Variants in PDE10A observed in about 807,000 individuals in gnomAD.
PDE10A encodes phosphodiesterase 10A, also known as cAMP and cAMP-inhibited cGMP 3',5'-cyclic phosphodiesterase 10A.
Under a neutral mutation model 97.7 loss-of-function variants are expected in PDE10A, and 39 were observed. That is an observed-to-expected ratio of 0.40 (90% CI 0.31 to 0.52). PDE10A has a LOEUF of 0.52. PDE10A is among the 20% of genes least tolerant of loss of function. The pLI is 0.56. For missense variants in PDE10A, 731 were observed against 1,047.8 expected, an observed-to-expected ratio of 0.70 and a Z score of 4.17; for synonymous variants, 371 against 376.8, an observed-to-expected ratio of 0.98 and a Z score of 0.18.
intron 10 of PDE10A, among the ~76,000 whole-genome samples, chr6:165,427,482 C>T (rs950783094): frequency 1.8e-4 from 27 of 151,692 alleles, no homozygotes; most frequent in Admixed American, 1.7e-3. Context: ...GAAATAGGGG[C>T]GTAAGGAAGT....
chr6:165,540,007 A>G (rs982728209), intron 2 of PDE10A, among the ~76,000 whole-genome samples: 1 of 152,230 alleles, frequency 6.6e-6, no homozygotes, highest in Non-Finnish European at 1.5e-5. Flanking sequence ...GCATAAAAAT[A>G]GCTCTGTGTC....
rs200148946 is a variant in PDE10A, at chr6:165,956,982, G to A, written c.-615+30547C>T. ...TGATGGATAAGTCATAATCAGCACA[G>A]GAGGTGGGCTAGGAACACACCACAC... On this transcript the variant is annotated intron_variant, in intron 1 of 19. Transcript: ENST00000366882. 3.9e-5 allele frequency among the ~76,000 whole-genome samples: 6 copies of A among 152,324 alleles called. No homozygotes were observed. The East Asian group carries it at 1.2e-3, about 29-fold the overall frequency.
intron 1 of PDE10A, among the ~76,000 whole-genome samples, chr6:165,634,191 C>T (rs1788767906): frequency 6.6e-6 from 1 of 152,042 alleles, no homozygotes; most frequent in South Asian, 2.1e-4. Flanking sequence ...TCAATGCCTC[C>T]GATCAGCGGA....
At chr6:165,827,992 T>C (rs7765646) in intron 1 of PDE10A, among the ~76,000 whole-genome samples, 2,215 of 152,330 alleles carry the variant, frequency 0.015, 49 homozygotes, top group African/African-American at 0.049. Context: ...CATTAACTGC[T>C]GGCCCCACAG....
chr6:165,405,717 A>AT (rs1278202748), intron 13 of PDE10A, among the ~76,000 whole-genome samples: 2 of 152,196 alleles, frequency 1.3e-5, no homozygotes, highest in African/African-American at 4.8e-5. Flanking sequence ...TGTCTGCTTG[A>AT]TTTTAAGTTT....
At chr6:165,443,492 T>A (rs1485962478) in intron 5 of PDE10A, among the ~76,000 whole-genome samples, 1 of 152,166 alleles carries the variant, frequency 6.6e-6, no homozygotes, top group African/African-American at 2.4e-5. Flanking sequence ...CAATGCCTGC[T>A]ACTAATCCAG....
chr6:165,832,084 T>C (rs982862499), intron 1 of PDE10A, among the ~76,000 whole-genome samples: 3 of 152,332 alleles, frequency 2.0e-5, no homozygotes, highest in Non-Finnish European at 4.4e-5. Flanking sequence ...AGTGAATGTA[T>C]TTTTCAGTAT....
chr6:165,536,681 C>T (rs987801881), intron 2 of PDE10A, among the ~76,000 whole-genome samples: 1 of 151,110 alleles, frequency 6.6e-6, no homozygotes, highest in Non-Finnish European at 1.5e-5. Flanking sequence ...CATACAAATA[C>T]CCAACAGGTA....
intron 1 of PDE10A, among the ~76,000 whole-genome samples, chr6:165,957,834 T>A (rs1413735380): frequency 6.6e-6 from 1 of 152,210 alleles, no homozygotes; most frequent in Non-Finnish European, 1.5e-5. Flanking sequence ...ATAGAGTTGT[T>A]CTATCTCAAT....
At chr6:165,943,269 A>AGGAG (rs1783627354) in intron 1 of PDE10A, among the ~76,000 whole-genome samples, 1 of 118,192 alleles carries the variant, frequency 8.5e-6, no homozygotes, top group Non-Finnish European at 1.8e-5. Flanking sequence ...GAAGGAAGGA[A>AGGAG]GGAAGGAAAG....
At chr6:165,546,115 T>C (rs978392596) in intron 1 of PDE10A, among the ~76,000 whole-genome samples, 10 of 151,974 alleles carry the variant, frequency 6.6e-5, no homozygotes, top group African/African-American at 2.4e-4. Flanking sequence ...TGAAGTAACA[T>C]GGATGAGTCT....
Position 165,395,163 on chromosome 6 carries a change from T to TA in PDE10A, c.2303+17_2303+18insT. The TA allele has an allele frequency of 6.4e-7, 1 of 1,561,122 alleles. No individual in the cohort carries two copies. Among genetic ancestry groups the TA allele is most frequent in the African/African-American group, 1.4e-5 (1 of 73,908 alleles). On this transcript the variant is annotated intron_variant, in intron 15 of 21. Coordinates refer to ENST00000539869, the MANE Select transcript of PDE10A (RefSeq NM_001385079.1). Reference sequence around the variant, plus strand: ...GTCACCCAATATTTCAAAAAGTAAATTTTAAAGTCATTCATACCAGGATGT... The same window carrying TA: ...GTCACCCAATATTTCAAAAAGTAAATATTTAAAGTCATTCATACCAGGATGT...
intron 2 of PDE10A, among the ~76,000 whole-genome samples, chr6:165,514,529 G>A (rs1267696435): frequency 6.6e-6 from 1 of 152,164 alleles, no homozygotes; most frequent in African/African-American, 2.4e-5. Context: ...TGAAGAGATG[G>A]GGACCTTCTC....
intron 10 of PDE10A, among the ~76,000 whole-genome samples, chr6:165,419,791 T>A (rs1444436392): frequency 6.6e-6 from 1 of 152,182 alleles, no homozygotes; most frequent in Non-Finnish European, 1.5e-5. Flanking sequence ...AAAGAATTCA[T>A]CCTTACAGTA....
chr6:165,792,089 A>G (rs1778671341), intron 1 of PDE10A, among the ~76,000 whole-genome samples: 1 of 151,972 alleles, frequency 6.6e-6, no homozygotes, highest in African/African-American at 2.4e-5. Context: ...GTGGTTCTTC[A>G]GTGTCTGGAA....
chr6:165,542,749 G>T (rs1783525638), intron 2 of PDE10A, among the ~76,000 whole-genome samples: 2 of 150,724 alleles, frequency 1.3e-5, no homozygotes, highest in South Asian at 2.1e-4. Context: ...CTCCTGAGTA[G>T]CTGGGACTAC....
chr6:165,843,844 C>T (rs1780329962), intron 1 of PDE10A, among the ~76,000 whole-genome samples: 1 of 152,222 alleles, frequency 6.6e-6, no homozygotes, highest in Non-Finnish European at 1.5e-5. Context: ...ATCTGAGGAG[C>T]AAAGGCTCAA....
chr6:165,567,884 C>T (rs1303596867), intron 1 of PDE10A, among the ~76,000 whole-genome samples: 3 of 151,434 alleles, frequency 2.0e-5, no homozygotes, highest in African/African-American at 4.9e-5. Context: ...ATCTATTTAT[C>T]TGCTTTGACC....
intron 12 of PDE10A, among the ~76,000 whole-genome samples, chr6:165,413,963 T>C (rs1431223625): frequency 6.6e-6 from 1 of 152,168 alleles, no homozygotes; most frequent in African/African-American, 2.4e-5. Context: ...TCATTTGAAG[T>C]ATCCAGCATT....
Sources: gnomAD v4.1 joint callset for allele counts (sites outside exome capture counted in the v4.1 genomes callset) on GRCh38, gnomAD v4.1.1 for gene constraint, MANE v1.5 for transcripts, NCBI Gene and HGNC (gene_info 2026-07-23, HGNC 2026-07-21) for gene names.